Variants in PKD1L1 observed in about 807,000 individuals in gnomAD.
PKD1L1 encodes polycystin 1 like 1, transient receptor potential channel interacting.
In PKD1L1, 236 loss-of-function variants were observed where a neutral mutation model predicts 323.4. The ratio of observed to expected loss-of-function variants is 0.73; its 90% CI spans 0.66 to 0.81. The LOEUF is 0.81. PKD1L1 is among the 40% of genes least tolerant of loss of function. PKD1L1 has a pLI of 0.00. For missense variants in PKD1L1, 3,320 were observed against 3,508.0 expected (o/e 0.95, Z 1.35); for synonymous variants, 1,344 against 1,335.0 (o/e 1.01, Z -0.15).
At chr7:47,880,867 C>G in intron 20 of PKD1L1, 62 bp from the exon 21 acceptor site, 2 of 1,370,106 alleles carry the variant, frequency 1.5e-6, no homozygotes, top group South Asian at 2.6e-5. Context: ...AGAGGTCACA[C>G]AGAGTCCTTG....
intron 56 of PKD1L1, among the ~76,000 whole-genome samples, chr7:47,779,832 A>C (rs767142685): frequency 4.6e-5 from 7 of 152,174 alleles, no homozygotes; most frequent in Non-Finnish European, 1.0e-4. Flanking sequence ...TCTATAAAAG[A>C]CACTTGGGGA....
chr7:47,787,652 T>C (rs1242534160), intron 56 of PKD1L1, among the ~76,000 whole-genome samples: 2 of 152,156 alleles, frequency 1.3e-5, no homozygotes, highest in Non-Finnish European at 2.9e-5. Flanking sequence ...TATAAACAAA[T>C]TAAGCGGGTT....
At chr7:47,888,214 A>G in intron 16 of PKD1L1, 64 bp from the exon 17 acceptor site, 1 of 1,506,260 alleles carries the variant, frequency 6.6e-7, no homozygotes, top group South Asian at 1.2e-5. Context: ...GGTCACATTA[A>G]TTCATGTTAG....
intron 7 of PKD1L1, among the ~76,000 whole-genome samples, chr7:47,928,461 T>G (rs1787695874): frequency 6.6e-6 from 1 of 152,036 alleles, no homozygotes; most frequent in Non-Finnish European, 1.5e-5. Flanking sequence ...TCCCAGCTAC[T>G]TGGGAGGCTG....
At chr7:47,869,221 T>G (rs1332511813) in intron 24 of PKD1L1, among the ~76,000 whole-genome samples, 1 of 151,960 alleles carries the variant, frequency 6.6e-6, no homozygotes, top group Non-Finnish European at 1.5e-5. Flanking sequence ...TAATGAGACA[T>G]GCAAAAAATA....
chr7:47,886,154 A>C (rs1786680180), intron 17 of PKD1L1, 100 bp from the exon 18 acceptor site: 1 of 1,430,508 alleles, frequency 7.0e-7, no homozygotes, highest in Non-Finnish European at 9.3e-7. Flanking sequence ...ATTATAAACA[A>C]ATCTGTTGTG....
chr7:47,778,676 A>G (rs1321279591), intron 56 of PKD1L1, among the ~76,000 whole-genome samples: 1 of 152,254 alleles, frequency 6.6e-6, no homozygotes, highest in African/African-American at 2.4e-5. Flanking sequence ...TATTACTGAT[A>G]TATAGGAGAC....
In PKD1L1 at chr7:47,839,554, C is replaced by T. The variant is rs140534324; in HGVS notation, c.5661G>A (p.Thr1887=). 116 of 1,608,316 alleles carry T rather than the reference C, an allele frequency of 7.2e-5. No individual in the cohort carries two copies. The highest frequency in any genetic ancestry group is 9.4e-5 in the African/African-American group (7 of 74,850). ...GGGCAGGGAAGAACCAGCCCTGTCC[C>T]GTGTGCAGCTCCTTCACCATCACGT... ...ISHVMVKELH[T]GQGWFFPAQC... The change falls in exon 36 of 57, where the codon ACG becomes ACA. Residue 1887 remains threonine (T), a synonymous_variant. Coordinates refer to ENST00000289672, the MANE Select transcript of PKD1L1 (RefSeq NM_138295.5). The surrounding 1 kb of genome is among the most constrained non-coding windows in gnomAD (Gnocchi z 4.3).
At chr7:47,789,012 T>C (rs1786878859) in intron 56 of PKD1L1, among the ~76,000 whole-genome samples, 1 of 152,222 alleles carries the variant, frequency 6.6e-6, no homozygotes, top group Non-Finnish European at 1.5e-5. Context: ...TTTATTTAGA[T>C]TTTTGGTATC....
chr7:47,952,686 A>G (rs1311825015), upstream of PKD1L1, among the ~76,000 whole-genome samples: 8 of 152,340 alleles, frequency 5.3e-5, no homozygotes, highest in South Asian at 1.2e-3. Context: ...GCTCCACTAA[A>G]GAAAAACAAC....
chr7:47,915,307 C>A (rs111357584), intron 8 of PKD1L1, 125 bp downstream of exon 8: 6 of 614,266 alleles, frequency 9.8e-6, no homozygotes, highest in South Asian at 2.0e-5. Flanking sequence ...CACAGGACAC[C>A]GTAGCCCATA....
At chr7:47,820,292 T>G (rs1355195899) in intron 46 of PKD1L1, among the ~76,000 whole-genome samples, 1 of 152,260 alleles carries the variant, frequency 6.6e-6, no homozygotes, top group Non-Finnish European at 1.5e-5. Context: ...TGCCTTTGCC[T>G]GGTGGTATCA....
chr7:47,830,152 G>GT (rs778785641), intron 42 of PKD1L1, 28 bp from the exon 43 acceptor site: 1 of 1,602,520 alleles, frequency 6.2e-7, no homozygotes, highest in Admixed American at 1.7e-5. Flanking sequence ...GCAGTGGTCA[G>GT]CCCCCTCTAA....
At chr7:47,814,164 G>T in intron 47 of PKD1L1, 150 bp from the exon 48 acceptor site, 1 of 595,168 alleles carries the variant, frequency 1.7e-6, no homozygotes, top group Non-Finnish European at 2.9e-6. Flanking sequence ...CCATTTTAGG[G>T]ATACAACCAA....
intron 7 of PKD1L1, among the ~76,000 whole-genome samples, chr7:47,923,478 C>A (rs1787597303): frequency 6.6e-6 from 1 of 151,784 alleles, no homozygotes. Context: ...TCAGAGATCA[C>A]CACTGAAGAA....
At chr7:47,841,788 T>C (rs1471125112) in intron 34 of PKD1L1, among the ~76,000 whole-genome samples, 2 of 152,302 alleles carry the variant, frequency 1.3e-5, no homozygotes, top group East Asian at 1.9e-4. Context: ...CACCATTTTT[T>C]ACTGTGACAA....
At chr7:47,800,560 G>T in intron 54 of PKD1L1, 89 bp downstream of exon 54, 1 of 1,330,626 alleles carries the variant, frequency 7.5e-7, no homozygotes, top group Non-Finnish European at 1.1e-6. Context: ...GTGTTGCCTG[G>T]CCCTGTCCAC....
Position 47,940,289 on chromosome 7 carries a change from C to G in PKD1L1, c.189G>C (p.Met63Ile). The change falls in exon 3 of 57, where the codon ATG becomes ATC. Residue 63 changes from methionine to isoleucine, a missense_variant. Transcript: ENST00000289672. ...VEVYANHVLL[M>I]SDGKCGCPWC... ...AAGGACAGCCACACTTCCCATCACT[C>G]ATAAGAAGCACATGATTAGCATAGA... 6.2e-7 allele frequency: 1 copy of G among 1,613,282 alleles called. No individual in the cohort carries two copies. The highest frequency in any genetic ancestry group is 8.5e-7 in the Non-Finnish European group (1 of 1,179,556).
intron 14 of PKD1L1, 57 bp from the exon 15 acceptor site, chr7:47,894,116 GGA>G (rs2128749295): frequency 6.9e-7 from 1 of 1,442,438 alleles, no homozygotes; most frequent in African/African-American, 1.4e-5. Context: ...GGGACTCACT[GGA>G]GAAACACACT....
Sources: allele counts gnomAD v4.1 joint callset (sites outside exome capture counted in the v4.1 genomes callset), GRCh38; gene constraint gnomAD v4.1.1; non-coding constraint Gnocchi (gnomAD v3.1); transcripts MANE v1.5; gene names NCBI Gene and HGNC (gene_info 2026-07-23, HGNC 2026-07-21).